ABCA6: variants seen among roughly 807,000 people sequenced by gnomAD.
ABCA6 encodes the protein ATP binding cassette subfamily A member 6.
ABCA6 carries 164 observed loss-of-function variants against 191.2 expected under a neutral mutation model. That is an observed-to-expected ratio of 0.86 (90% confidence interval 0.76 to 0.98). The LOEUF (loss-of-function observed/expected upper bound fraction) is 0.98, where lower values mean the gene tolerates loss of function less well. Among genes scored for constraint, ABCA6 ranks in the 50% least tolerant of loss-of-function variants. The probability of loss-of-function intolerance (pLI) is 0.00; values close to 1 mark genes in which losing one functional copy is unlikely to be tolerated. For synonymous variants in ABCA6, 636 were observed against 647.7 expected (o/e 0.98, Z 0.27); for missense variants, 1,958 against 1,894.1 (o/e 1.03, Z -0.63).
chr17:69,114,894 G>A lies in ABCA6; in HGVS notation c.1650C>T (p.Asp550=). ...IYNKNLSEMQ[D]LEEIRKITGV... is the part of the protein sequence containing the mutation. ...CAGTTATCTTTCTGATTTCCTCCAA[G>A]TCTTGCATTTCAGAGAGATTTTTAT... is the stretch of plus-strand genomic sequence containing the variant. The change falls in exon 13 of 39, where the codon GAC becomes GAT. Residue 550 remains aspartate (D), a synonymous_variant. Transcript: ENST00000284425. 1 of 1,612,046 alleles carries A rather than the reference G, an allele frequency of 6.2e-7. No individual in the cohort carries two copies. Among genetic ancestry groups the A allele is most frequent in the Non-Finnish European group, 8.5e-7 (1 of 1,178,828 alleles).
At chr17:69,120,144 A>G (rs1296937750) in intron 10 of ABCA6, among the ~76,000 whole-genome samples, 1 of 152,102 alleles carries the variant, frequency 6.6e-6, no homozygotes, top group Non-Finnish European at 1.5e-5. Flanking sequence ...ATGGAAAGTG[A>G]TAACACCAAA....
rs753155229 is a variant in ABCA6 at position 69,115,506 on chromosome 17, T to C, written c.1496-20A>G. On this transcript the variant is annotated intron_variant, in intron 11 of 38. Coordinates refer to ENST00000284425, the MANE Select transcript of ABCA6 (RefSeq NM_080284.3). ...GCAAGCCTATTTTTAGAACAAATTG[T>C]TAACAAATTATTAACAGTATAAACA... The C allele has an allele frequency of 6.3e-7, 1 of 1,582,272 alleles. No individual in the cohort carries two copies. Among genetic ancestry groups the C allele is most frequent in the Non-Finnish European group, 8.6e-7 (1 of 1,157,886 alleles).
intron 25 of ABCA6, among the ~76,000 whole-genome samples, chr17:69,092,337 G>A (rs2072944775): frequency 6.6e-6 from 1 of 152,138 alleles, no homozygotes; most frequent in African/African-American, 2.4e-5. Flanking sequence ...ACTCCATAAT[G>A]TAGTACTTTT....
intron 24 of ABCA6, 135 bp downstream of exon 24, chr17:69,096,493 A>C: frequency 2.4e-6 from 2 of 819,032 alleles, no homozygotes; most frequent in Non-Finnish European, 3.5e-6. Context: ...TATTTATCAT[A>C]CATGCACTTT....
intron 24 of ABCA6, 59 bp downstream of exon 24, chr17:69,096,569 A>G: frequency 8.2e-7 from 1 of 1,220,948 alleles, no homozygotes; most frequent in Non-Finnish European, 1.1e-6. Flanking sequence ...TAAAATAACA[A>G]TGTTAAAATT....
intron 10 of ABCA6, among the ~76,000 whole-genome samples, chr17:69,119,909 G>C (rs551907962): frequency 8.5e-4 from 130 of 152,064 alleles, no homozygotes; most frequent in African/African-American, 3.1e-3. Context: ...TCATATCTTA[G>C]AATACTTTTA....
intron 6 of ABCA6, 145 bp downstream of exon 6, chr17:69,133,496 A>T: frequency 1.5e-6 from 1 of 645,496 alleles, no homozygotes; most frequent in Non-Finnish European, 2.6e-6. Flanking sequence ...GGCAAAATTT[A>T]ACAGACTAAG....
chr17:69,133,810 TC>T lies in ABCA6; in HGVS notation c.621del (p.Met207IlefsTer7). 1 of 1,613,130 alleles carries T rather than the reference TC, an allele frequency of 6.2e-7. No individual in the cohort carries two copies. The highest frequency in any genetic ancestry group is 1.1e-5 in the South Asian group (1 of 90,876). ...TTTTTAGTTATGAAAGGTAATGTCT[TC>T]ATAGTTATAGCAGTAACTGACATCA... The part of the protein sequence containing the change: ...EELMSVTAIT[M>X]KTLPFITKNL... On this transcript the variant is annotated frameshift_variant, in exon 6 of 39. Coordinates refer to ENST00000284425, the MANE Select transcript of ABCA6 (RefSeq NM_080284.3). LOFTEE classifies it high-confidence loss of function.
chr17:69,100,775 A>T, intron 22 of ABCA6, 22 bp downstream of exon 22: 1 of 1,592,104 alleles, frequency 6.3e-7, no homozygotes, highest in South Asian at 1.2e-5. Flanking sequence ...AATTGTTTAG[A>T]CTCAGTAAAT....
intron 5 of ABCA6, 29 bp from the exon 6 acceptor site, chr17:69,133,896 A>G (rs753575625): frequency 1.7e-5 from 24 of 1,417,560 alleles, no homozygotes; most frequent in African/African-American, 1.0e-4. Context: ...AAACATAATT[A>G]TTATTTAAAA....
At position 69,083,322 on chromosome 17, in the gene ABCA6, G is replaced by A; in HGVS notation, c.4365C>T (p.Ile1455=). The A allele has an allele frequency of 6.3e-7, 1 of 1,588,460 alleles. No homozygotes were observed. Among genetic ancestry groups the A allele is most frequent in the Non-Finnish European group, 8.5e-7 (1 of 1,173,134 alleles). The change falls in exon 35 of 39, where the codon ATC becomes ATT. Residue 1455 remains isoleucine (I), a synonymous_variant. Coordinates refer to ENST00000284425, the MANE Select transcript of ABCA6 (RefSeq NM_080284.3). ...PTGQQQMWQA[I]QAVVKNTERG... ...TCTCTGTGTTTTTAACGACTGCCTG[G>A]ATTGCCTGCCTGCAGTGAGCAAAAA...
intron 12 of ABCA6, 57 bp downstream of exon 12, chr17:69,115,319 G>C: frequency 7.7e-7 from 1 of 1,297,212 alleles, no homozygotes; most frequent in Non-Finnish European, 1.1e-6. Context: ...AGAGGCATAT[G>C]CTTGACCTCA....
At chr17:69,079,556 T>C (rs2144598630) in intron 37 of ABCA6, among the ~76,000 whole-genome samples, 1 of 152,176 alleles carries the variant, frequency 6.6e-6, no homozygotes, top group East Asian at 1.9e-4. Context: ...ACATCATTGA[T>C]CAAAATATTC....
chr17:69,133,383 T>A (rs1018955143), intron 6 of ABCA6, among the ~76,000 whole-genome samples: 3 of 152,340 alleles, frequency 2.0e-5, no homozygotes, highest in Non-Finnish European at 4.4e-5. Flanking sequence ...AACTTCATTT[T>A]CCTTGCTTAT....
At chr17:69,129,361 A>G (rs1180346919) in intron 7 of ABCA6, among the ~76,000 whole-genome samples, 1 of 152,132 alleles carries the variant, frequency 6.6e-6, no homozygotes, top group African/African-American at 2.4e-5. Context: ...TAGAGTCAGC[A>G]TTGTTTTTTC....
chr17:69,083,785 A>T (rs1267451367), intron 34 of ABCA6, among the ~76,000 whole-genome samples: 2 of 152,220 alleles, frequency 1.3e-5, no homozygotes, highest in Non-Finnish European at 2.9e-5. Flanking sequence ...ATGAAACTAG[A>T]TTGAAGATTT....
chr17:69,083,004 G>C lies in ABCA6; in HGVS notation c.4485C>G (p.Gly1495=). 6.2e-7 allele frequency: 1 copy of C among 1,614,186 alleles called. No individual in the cohort carries two copies. The highest frequency in any genetic ancestry group is 8.5e-7 in the Non-Finnish European group (1 of 1,180,016). Residue 1495 remains glycine, a synonymous_variant, in exon 36 of 39, where the codon GGC becomes GGG. Transcript: ENST00000284425. ...IMVSGRLRCI[G]SIQHLKNKLG... is the part of the protein sequence containing the mutation. Reference sequence around the variant, plus strand: ...GTTTGTTTTTCAGGTGTTGGATGGAGCCAATGCATCTATGGGCAAGAAAGA... The same window carrying C: ...GTTTGTTTTTCAGGTGTTGGATGGACCCAATGCATCTATGGGCAAGAAAGA...
chr17:69,113,200 C>T lies in ABCA6; in HGVS notation c.2041+22G>A, dbSNP rs1485371077. 14 of 1,594,424 alleles carry T rather than the reference C, an allele frequency of 8.8e-6. No individual in the cohort carries two copies. In the South Asian group the frequency reaches 1.4e-4, roughly 16 times the overall value. On this transcript the variant is annotated intron_variant, in intron 15 of 38. Transcript: ENST00000284425. ...ATTCCCCAATTGCATCATGGTAACA[C>T]TGAGATAAAACCAACAATTACCAGC... is the stretch of plus-strand genomic sequence containing the variant.
intron 6 of ABCA6, among the ~76,000 whole-genome samples, chr17:69,130,873 T>A (rs2073850059): frequency 6.6e-6 from 1 of 152,218 alleles, no homozygotes; most frequent in Admixed American, 6.5e-5. Flanking sequence ...ACTAAGCCCA[T>A]TCTATTCTCT....
Sources: gnomAD v4.1 joint callset for allele counts (sites outside exome capture counted in the v4.1 genomes callset) on GRCh38, gnomAD v4.1.1 for gene constraint, MANE v1.5 for transcripts, NCBI Gene and HGNC (gene_info 2026-07-23, HGNC 2026-07-21) for gene names.